The following SORCS1 variants were observed in gnomAD, a reference collection of about 807,000 sequenced individuals.
The protein encoded by SORCS1 is sortilin related VPS10 domain containing receptor 1, also known as VPS10 domain-containing receptor SorCS1.
In SORCS1, 60 loss-of-function variants were observed where a neutral mutation model predicts 146.1. The observed-to-expected ratio is 0.41, with a 90% CI of 0.33 to 0.51. The LOEUF (loss-of-function observed/expected upper bound fraction) is 0.51. Among genes scored for constraint, SORCS1 ranks in the 20% least tolerant of loss-of-function variants. The probability of loss-of-function intolerance (pLI) is 0.21; values close to 1 mark genes in which losing one functional copy is unlikely to be tolerated. For synonymous variants in SORCS1, 637 were observed against 584.0 expected (o/e 1.09, Z -1.31); for missense variants, 1,352 against 1,487.6 (o/e 0.91, Z 1.50).
intron 18 of SORCS1, among the ~76,000 whole-genome samples, chr10:106,637,312 C>G (rs1319159923): frequency 6.6e-6 from 1 of 152,206 alleles, no homozygotes; most frequent in African/African-American, 2.4e-5. Context: ...AATTTCCTCA[C>G]CAAAGCAGCT....
intron 18 of SORCS1, among the ~76,000 whole-genome samples, chr10:106,637,546 A>G (rs549011039): frequency 3.9e-5 from 6 of 152,352 alleles, no homozygotes; most frequent in Admixed American, 6.5e-5. Context: ...CAAAACCTAC[A>G]GTGAACTTAG....
the SORCS1 span, among the ~76,000 whole-genome samples, chr10:107,176,943 GA>G: frequency 6.6e-6 from 1 of 151,990 alleles, no homozygotes; most frequent in Non-Finnish European, 1.5e-5. Context: ...TACTTACTAA[GA>G]GAGGTGTATC....
intron 3 of SORCS1, among the ~76,000 whole-genome samples, chr10:106,790,677 A>G (rs1946276808): frequency 6.6e-6 from 1 of 152,228 alleles, no homozygotes; most frequent in Non-Finnish European, 1.5e-5. Flanking sequence ...TGTTTATCCA[A>G]AACGACAGTC....
rs143417538 is a variant in SORCS1, at chr10:107,106,421, T to C, written c.558+57548A>G. Among the ~76,000 whole-genome samples, 666 of 152,354 alleles carry C rather than the reference T, an allele frequency of 4.4e-3. 5 individuals carry two copies. Among genetic ancestry groups the C allele is most frequent in the African/African-American group, 0.015 (612 of 41,582 alleles). On this transcript the variant is annotated intron_variant, in intron 1 of 25. Coordinates refer to ENST00000263054, the MANE Select transcript of SORCS1 (RefSeq NM_052918.5). Reference sequence around the variant, plus strand: ...GAACAGATGAGTATTAAATGCCTTTTATTTTGGGTCAAACCAGACCTGACA... The same window carrying C: ...GAACAGATGAGTATTAAATGCCTTTCATTTTGGGTCAAACCAGACCTGACA...
chr10:106,775,664 T>C (rs1384802509), intron 4 of SORCS1, among the ~76,000 whole-genome samples: 3 of 152,226 alleles, frequency 2.0e-5, no homozygotes, highest in African/African-American at 7.2e-5. Flanking sequence ...CTAAGGAGAA[T>C]TCTCAGAATG....
At chr10:106,606,700 T>G (rs2133379537) in intron 23 of SORCS1, among the ~76,000 whole-genome samples, 1 of 152,328 alleles carries the variant, frequency 6.6e-6, no homozygotes, top group African/African-American at 2.4e-5. Flanking sequence ...CATTTTGAAC[T>G]GCAGTTCCCA....
In SORCS1 at chr10:107,006,238, G is replaced by A. The variant is rs565635468; in HGVS notation, c.559-49658C>T. On this transcript the variant is annotated intron_variant, in intron 1 of 25. Coordinates refer to ENST00000263054, the MANE Select transcript of SORCS1 (RefSeq NM_052918.5). ...GAGAGGGAGGCATGGATGACAAAAA[G>A]CTCTTAACCTATATCCTTGTGTCTG... is the stretch of plus-strand genomic sequence containing the variant. Among the ~76,000 whole-genome samples, 16 of 152,288 alleles carry A rather than the reference G, an allele frequency of 1.1e-4. No individual in the cohort carries two copies. The East Asian group carries it at 3.1e-3, about 29-fold the overall frequency.
chr10:106,589,421 G>T (rs189413225), intron 24 of SORCS1, among the ~76,000 whole-genome samples: 4 of 151,852 alleles, frequency 2.6e-5, no homozygotes, highest in African/African-American at 7.3e-5. Context: ...CATGACCAAG[G>T]GTTCTCATGA....
intron 5 of SORCS1, among the ~76,000 whole-genome samples, chr10:106,738,532 G>C (rs970155275): frequency 1.3e-5 from 2 of 152,160 alleles, no homozygotes; most frequent in African/African-American, 4.8e-5. Flanking sequence ...TGCTTGTGTT[G>C]ATGTTAAAAT....
the SORCS1 span, among the ~76,000 whole-genome samples, chr10:107,180,640 T>A: frequency 1.3e-5 from 2 of 152,202 alleles, no homozygotes; most frequent in Non-Finnish European, 2.9e-5. Context: ...TCTGCTCTTA[T>A]AATTATCATT....
intron 1 of SORCS1, among the ~76,000 whole-genome samples, chr10:107,032,068 G>C (rs936795420): frequency 1.3e-5 from 2 of 152,140 alleles, no homozygotes; most frequent in African/African-American, 4.8e-5. Context: ...CCTTTTGATA[G>C]AGCCAAGAAC....
chr10:107,116,708 A>G (rs973442740), intron 1 of SORCS1, among the ~76,000 whole-genome samples: 1 of 152,178 alleles, frequency 6.6e-6, no homozygotes, highest in Non-Finnish European at 1.5e-5. Context: ...AAGATGAACA[A>G]ATTCCAGGGA....
intron 21 of SORCS1, among the ~76,000 whole-genome samples, chr10:106,616,429 G>A (rs1564781565): frequency 1.3e-5 from 2 of 152,112 alleles, no homozygotes; most frequent in South Asian, 2.1e-4. Context: ...TTGCTAGCTG[G>A]GGCAAGTTAT....
intron 9 of SORCS1, among the ~76,000 whole-genome samples, chr10:106,694,856 C>T (rs1240007799): frequency 1.3e-5 from 2 of 152,144 alleles, no homozygotes; most frequent in Non-Finnish European, 2.9e-5. Flanking sequence ...CCAACACAAC[C>T]CTTTGCACTC....
intron 4 of SORCS1, 111 bp downstream of exon 4, chr10:106,776,423 A>G: frequency 7.3e-7 from 1 of 1,370,892 alleles, no homozygotes; most frequent in Non-Finnish European, 1.0e-6. Flanking sequence ...AGGTCAGGCT[A>G]CTGCTCAGAA....
chr10:107,033,909 C>G (rs1300592247), intron 1 of SORCS1, among the ~76,000 whole-genome samples: 1 of 152,182 alleles, frequency 6.6e-6, no homozygotes, highest in Non-Finnish European at 1.5e-5. Context: ...TGAGCCTCCA[C>G]ATAAAGAAAT....
intron 18 of SORCS1, among the ~76,000 whole-genome samples, chr10:106,645,527 G>A (rs964533545): frequency 1.3e-5 from 2 of 151,840 alleles, no homozygotes; most frequent in African/African-American, 4.8e-5. Flanking sequence ...ACCTTCTGAT[G>A]GTGCACAGTG....
chr10:106,882,889 G>A (rs1382811665), intron 2 of SORCS1, among the ~76,000 whole-genome samples: 4 of 152,102 alleles, frequency 2.6e-5, no homozygotes, highest in African/African-American at 9.7e-5. Context: ...AACACTGAAT[G>A]ACTCCATTTC....
chr10:106,889,444 T>G (rs149613180), intron 2 of SORCS1, among the ~76,000 whole-genome samples: 2 of 152,228 alleles, frequency 1.3e-5, no homozygotes, highest in East Asian at 3.9e-4. Flanking sequence ...GAGCCCCAGG[T>G]AATTTGTGTG....
Sources: allele counts gnomAD v4.1 joint callset (sites outside exome capture counted in the v4.1 genomes callset), GRCh38; gene constraint gnomAD v4.1.1; transcripts MANE v1.5; gene names NCBI Gene and HGNC (gene_info 2026-07-23, HGNC 2026-07-21).